The following SAMD4B variants were observed in gnomAD, a reference collection of about 807,000 sequenced individuals.
The protein encoded by SAMD4B is sterile alpha motif domain containing 4B.
In SAMD4B, 5 loss-of-function variants were observed where a neutral mutation model predicts 74.5. That is an observed-to-expected ratio of 0.07 (90% CI 0.04 to 0.14). The LOEUF is 0.14. Ranked by LOEUF, SAMD4B falls within the 10% of genes least tolerant of loss-of-function variation. The pLI, the probability that SAMD4B is intolerant of heterozygous loss-of-function variation, is 1.00. For synonymous variants in SAMD4B, 373 were observed against 374.9 expected (o/e 1.00, Z 0.06); for missense variants, 608 against 921.8 (o/e 0.66, Z 4.41).
At chr19:39,350,243 A>G (rs2075955656) in intron 1 of SAMD4B, 1 of 152,186 alleles carries the variant, frequency 6.6e-6, no homozygotes, top group South Asian at 2.1e-4. Flanking sequence ...GTTTCATTTA[A>G]TTCTTCTAAC....
downstream of SAMD4B, chr19:39,386,286 C>G (rs2078246541): frequency 1.2e-6 from 2 of 1,614,218 alleles, no homozygotes; most frequent in Non-Finnish European, 1.7e-6. This position sits in a 1 kb window ranked among gnomAD's most constrained non-coding sequence, Gnocchi z 6.1. Flanking sequence ...GTCCTCACCA[C>G]TGCCACTCTT....
chr19:39,362,188 A>C (rs933118511), intron 3 of SAMD4B, among the ~76,000 whole-genome samples: 1 of 152,154 alleles, frequency 6.6e-6, no homozygotes, highest in Non-Finnish European at 1.5e-5. Flanking sequence ...TTTGTGTTAG[A>C]ATCCCCCAGG....
rs187814571 is a variant in SAMD4B at position 39,384,294 on chromosome 19, C to G, written c.*767C>G. On this transcript the variant is annotated 3_prime_UTR_variant, in exon 14 of 14. Transcript: ENST00000610417. ...ATGAGGGGAGAGGGCAGAGCCCCCTCCTCCAGACCCTCAAGCTCTAACCCA... is the reference window on the plus strand; with the variant it reads ...ATGAGGGGAGAGGGCAGAGCCCCCTGCTCCAGACCCTCAAGCTCTAACCCA... 6.5e-6 allele frequency: 1 copy of G among 152,948 alleles called. No homozygotes were observed. The highest frequency in any genetic ancestry group is 1.9e-4 in the East Asian group (1 of 5,172). The allele number at this position is 152,948 out of a possible 1,614,324, so 9.5% of individuals were successfully genotyped here.
intron 3 of SAMD4B, among the ~76,000 whole-genome samples, chr19:39,366,227 A>G (rs997015482): frequency 2.0e-5 from 3 of 152,134 alleles, no homozygotes; most frequent in Non-Finnish European, 2.9e-5. Context: ...GAGGCAGGAG[A>G]ATCGCTTGAA....
In SAMD4B at chr19:39,385,567, C is replaced by T; in HGVS notation, c.*2040C>T. The T allele has an allele frequency of 2.0e-6, 1 of 498,058 alleles. No individual in the cohort carries two copies. The highest frequency in any genetic ancestry group is 3.5e-6 in the Non-Finnish European group (1 of 285,858). The allele number at this position is 498,058 out of a possible 1,614,324, so 30.9% of individuals were successfully genotyped here. A position where few individuals can be genotyped will look rare whatever the true frequency, so the allele number is the denominator to read the frequency against. On this transcript the variant is annotated 3_prime_UTR_variant, in exon 14 of 14. Coordinates refer to ENST00000610417, the MANE Select transcript of SAMD4B (RefSeq NM_001384574.2). ...CCTCCCTACCCACTTCTGTCCCCGG[C>T]CCCACTGGCAGAATCAGCTTTGAGT...
chr19:39,390,161 C>T, downstream of SAMD4B: 1 of 1,613,896 alleles, frequency 6.2e-7, no homozygotes, highest in South Asian at 1.1e-5. Context: ...CCACTCCAGA[C>T]CTAGGAACAT....
chr19:39,385,719 T>C (rs564509467), downstream of SAMD4B: 4 of 545,734 alleles, frequency 7.3e-6, no homozygotes, highest in South Asian at 2.8e-5. Flanking sequence ...TTCGTTGTGC[T>C]ACATTTTGTG....
chr19:39,371,546 G>A (rs1419583464), intron 4 of SAMD4B, among the ~76,000 whole-genome samples: 2 of 152,206 alleles, frequency 1.3e-5, no homozygotes, highest in African/African-American at 4.8e-5. Context: ...TCCGGGCATG[G>A]TGGCTCACGC....
In SAMD4B at chr19:39,378,001, G is replaced by A. The variant is rs780006191; in HGVS notation, c.1444+177G>A. On this transcript the variant is annotated intron_variant, in intron 8 of 13. Coordinates refer to ENST00000610417, the MANE Select transcript of SAMD4B (RefSeq NM_001384574.2). The surrounding 1 kb of genome is among the most constrained non-coding windows in gnomAD (Gnocchi z 4.4). Reference sequence around the variant, plus strand: ...GACAAGGCCCCTTGCCCTTGGGCACGTCTGGGCTGATGGTGGATAACAGCC... The same window carrying A: ...GACAAGGCCCCTTGCCCTTGGGCACATCTGGGCTGATGGTGGATAACAGCC... Among the ~76,000 whole-genome samples, 5 of 152,236 alleles carry A rather than the reference G, an allele frequency of 3.3e-5. No individual in the cohort carries two copies. Among genetic ancestry groups the A allele is most frequent in the Admixed American group, 6.5e-5 (1 of 15,290 alleles).
intron 3 of SAMD4B, among the ~76,000 whole-genome samples, chr19:39,359,313 T>C (rs970800983): frequency 1.3e-5 from 2 of 152,200 alleles, no homozygotes; most frequent in Admixed American, 1.3e-4. Context: ...GTAATTTCAG[T>C]GCTTTTAGTT....
chr19:39,370,875 C>T (rs867083843), intron 4 of SAMD4B, among the ~76,000 whole-genome samples: 16 of 152,156 alleles, frequency 1.1e-4, no homozygotes, highest in South Asian at 2.1e-4. Context: ...ATGAGGACAT[C>T]GGGACTCAGA....
intron 3 of SAMD4B, among the ~76,000 whole-genome samples, chr19:39,365,281 C>T (rs143049711): frequency 6.6e-6 from 1 of 151,332 alleles, no homozygotes; most frequent in East Asian, 1.9e-4. Context: ...CTGCCGGACA[C>T]CATGGCTCAC....
At position 39,375,942 on chromosome 19, in the gene SAMD4B, T is replaced by G; in HGVS notation, c.907+53T>G. On this transcript the variant is annotated intron_variant, in intron 5 of 13. Coordinates refer to ENST00000610417, the MANE Select transcript of SAMD4B (RefSeq NM_001384574.2). The surrounding 1 kb of genome is among the most constrained non-coding windows in gnomAD (Gnocchi z 4.1). Reference sequence around the variant, plus strand: ...CCTTTTCCAGGGGCTTCTGCAGAGCTTAGAGGACAGAAAGGAGCTTGTAGC... The same window carrying G: ...CCTTTTCCAGGGGCTTCTGCAGAGCGTAGAGGACAGAAAGGAGCTTGTAGC... 6.3e-7 allele frequency: 1 copy of G among 1,578,358 alleles called. No individual in the cohort carries two copies. The highest frequency in any genetic ancestry group is 1.1e-5 in the South Asian group (1 of 89,270).
downstream of SAMD4B, chr19:39,390,165 G>C (rs773622192): frequency 3.1e-6 from 5 of 1,613,630 alleles, no homozygotes; most frequent in African/African-American, 6.7e-5. Context: ...TCCAGACCTA[G>C]GAACATTAGT....
rs367624985 is a variant in SAMD4B, at chr19:39,376,425, C to T, written c.908-12C>T. On this transcript the variant is annotated splice_polypyrimidine_tract_variant and intron_variant, in intron 5 of 13. Transcript: ENST00000610417. ...AAACTCCTGACCTTTCACTCTCCCTCCTTTGCCAAAGATGTGCCCTCATGG... is the reference window on the plus strand; with the variant it reads ...AAACTCCTGACCTTTCACTCTCCCTTCTTTGCCAAAGATGTGCCCTCATGG... 1.8e-5 allele frequency: 29 copies of T among 1,604,816 alleles called. No individual in the cohort carries two copies. The African/African-American group carries it at 3.7e-4, about 21-fold the overall frequency.
downstream of SAMD4B, chr19:39,386,065 C>T (rs1037226366): frequency 9.9e-6 from 16 of 1,613,878 alleles, no homozygotes; most frequent in Non-Finnish European, 1.4e-5. This position sits in a 1 kb window ranked among gnomAD's most constrained non-coding sequence, Gnocchi z 6.1. Flanking sequence ...GCCGAGTGCT[C>T]GCTGCCACTG....
chr19:39,369,767 G>T lies in SAMD4B; in HGVS notation c.309G>T (p.Arg103Ser). 6.2e-7 allele frequency: 1 copy of T among 1,614,214 alleles called. No homozygotes were observed. Among genetic ancestry groups the T allele is most frequent in the Non-Finnish European group, 8.5e-7 (1 of 1,180,030 alleles). Residue 103 changes from arginine (R) to serine (S), a missense_variant, in exon 4 of 14, where the codon AGG (arginine) becomes AGT (serine). Transcript: ENST00000610417. ...GNTEAKSEYM[R>S]LLQKVLAYSI... ...CAGAGGCCAAGTCGGAGTACATGAG[G>T]CTACTGCAGAAAGTGCTGGCCTACT...
In SAMD4B at chr19:39,375,545, C is replaced by A; in HGVS notation, c.668-105C>A. 2.1e-6 allele frequency: 3 copies of A among 1,444,674 alleles called. No homozygotes were observed. Among genetic ancestry groups the A allele is most frequent in the Middle Eastern group, 3.7e-4 (2 of 5,458 alleles). The allele number at this position is 1,444,674 out of a possible 1,614,324, so 89.5% of individuals were successfully genotyped here. On this transcript the variant is annotated intron_variant, in intron 4 of 13. Coordinates refer to ENST00000610417, the MANE Select transcript of SAMD4B (RefSeq NM_001384574.2). The surrounding 1 kb of genome is among the most constrained non-coding windows in gnomAD (Gnocchi z 4.1). ...TGGACCCCAGGTCCCTTCCTCTTGG[C>A]AGGTTATGGGGCCAAACTGCCATCC...
rs552030951 is a variant in SAMD4B at position 39,354,377 on chromosome 19, A to ATT, written c.-206+319_-206+320dup. ...CCAGAGGAAAATCTCAGTGCCTTCA[A>ATT]TTTTTTTTTCTTAAAACAAGGTTTT... On this transcript the variant is annotated intron_variant, in intron 2 of 13. Transcript: ENST00000610417. Among the ~76,000 whole-genome samples, 915 of 151,660 alleles carry ATT rather than the reference A, an allele frequency of 6.0e-3. 8 individuals carry two copies. The highest frequency in any genetic ancestry group is 0.021 in the African/African-American group (870 of 41,326).
Sources: gnomAD v4.1 joint callset for allele counts (sites outside exome capture counted in the v4.1 genomes callset) on GRCh38, gnomAD v4.1.1 for gene constraint, Gnocchi (gnomAD v3.1) non-coding constraint, MANE v1.5 for transcripts, NCBI Gene and HGNC (gene_info 2026-07-23, HGNC 2026-07-21) for gene names.